The following MS4A4A variants were observed in gnomAD, a reference collection of about 807,000 sequenced individuals.
MS4A4A encodes membrane spanning 4-domains A4A.
Under a neutral mutation model 28.0 loss-of-function variants are expected in MS4A4A, and 26 were observed. The ratio of observed to expected loss-of-function variants is 0.93; its 90% CI spans 0.68 to 1.29. The LOEUF (loss-of-function observed/expected upper bound fraction) is 1.29, where lower values mean the gene tolerates loss of function less well. MS4A4A is among the 50% of genes most tolerant of loss of function. The probability of loss-of-function intolerance (pLI) is 0.00; values close to 1 mark genes in which losing one functional copy is unlikely to be tolerated. For missense variants in MS4A4A, 290 were observed against 293.1 expected (o/e 0.99, Z 0.08); for synonymous variants, 86 against 100.8 (o/e 0.85, Z 0.88).
intron 4 of MS4A4A, among the ~76,000 whole-genome samples, chr11:60,301,578 T>C (rs1371856762): frequency 1.3e-5 from 2 of 152,302 alleles, no homozygotes; most frequent in East Asian, 3.9e-4. Flanking sequence ...TGAATAAATG[T>C]TTTTTTCTAG....
chr11:60,300,901 C>A, intron 3 of MS4A4A, 100 bp from the exon 4 acceptor site: 1 of 810,270 alleles, frequency 1.2e-6, no homozygotes, highest in Non-Finnish European at 1.9e-6. Flanking sequence ...GATAATTGGT[C>A]TGATTAACAT....
In MS4A4A at chr11:60,292,201, A is replaced by G. The variant is rs1209096907; in HGVS notation, c.42-24A>G. The G allele has an allele frequency of 2.6e-6, 4 of 1,518,248 alleles. 1 individual carries two copies. Among genetic ancestry groups the G allele is most frequent in the Admixed American group, 4.5e-5 (2 of 44,448 alleles). The allele number at this position is 1,518,248 out of a possible 1,614,324, so 94.0% of individuals were successfully genotyped here. Reference sequence around the variant, plus strand: ...TCTTTTGCCATTTCCAGGACATCATACTAAATTACATTTCTTATTGTAGCA... The same window carrying G: ...TCTTTTGCCATTTCCAGGACATCATGCTAAATTACATTTCTTATTGTAGCA... On this transcript the variant is annotated intron_variant, in intron 1 of 6. Transcript: ENST00000337908.
In MS4A4A at chr11:60,292,218, A is replaced by T. The variant is rs746557825; in HGVS notation, c.42-7A>T. 3.1e-5 allele frequency: 48 copies of T among 1,532,248 alleles called. 1 individual carries two copies. Among genetic ancestry groups the T allele is most frequent in the Non-Finnish European group, 3.5e-5 (40 of 1,144,534 alleles). 94.9% of individuals were successfully genotyped at this position (1,532,248 alleles called of 1,614,324 possible). A position where few individuals can be genotyped will look rare whatever the true frequency, so the allele number is the denominator to read the frequency against. On this transcript the variant is annotated splice_polypyrimidine_tract_variant and splice_region_variant and intron_variant, in intron 1 of 6. Coordinates refer to ENST00000337908, the MANE Select transcript of MS4A4A (RefSeq NM_148975.3). ...GACATCATACTAAATTACATTTCTT[A>T]TTGTAGCACCTTTTCTGCTGCCATG...
chr11:60,304,699 G>A (rs1250829602), intron 5 of MS4A4A, among the ~76,000 whole-genome samples: 1 of 152,194 alleles, frequency 6.6e-6, no homozygotes, highest in African/African-American at 2.4e-5. Flanking sequence ...TTTACATATT[G>A]TGGAGTGCTG....
At chr11:60,305,229 T>C (rs1436318734) in intron 5 of MS4A4A, among the ~76,000 whole-genome samples, 3 of 152,262 alleles carry the variant, frequency 2.0e-5, no homozygotes, top group African/African-American at 4.8e-5. Flanking sequence ...ACTGACCTAC[T>C]TGATGTTCAT....
chr11:60,285,598 A>T (rs1237079838), intron 1 of MS4A4A, among the ~76,000 whole-genome samples: 1 of 152,146 alleles, frequency 6.6e-6, no homozygotes, highest in Admixed American at 6.5e-5. Context: ...AAAGAGAGAA[A>T]TTTTACAGCT....
At chr11:60,282,104 G>A (rs536617278) in intron 1 of MS4A4A, among the ~76,000 whole-genome samples, 120 of 152,302 alleles carry the variant, frequency 7.9e-4, no homozygotes, top group Non-Finnish European at 1.6e-3. Flanking sequence ...AGCCTTGAAT[G>A]ACCAGAACCT....
chr11:60,285,617 G>T (rs757533567), intron 1 of MS4A4A, among the ~76,000 whole-genome samples: 3 of 152,078 alleles, frequency 2.0e-5, no homozygotes, highest in Non-Finnish European at 2.9e-5. Flanking sequence ...CTAGGCCTCC[G>T]GGGGTGACAT....
At chr11:60,287,134 A>G (rs548317576) in intron 1 of MS4A4A, among the ~76,000 whole-genome samples, 3 of 152,256 alleles carry the variant, frequency 2.0e-5, no homozygotes, top group South Asian at 2.1e-4. Context: ...TGTTGAAACA[A>G]GAACTCTAGA....
intron 1 of MS4A4A, among the ~76,000 whole-genome samples, chr11:60,291,695 GACTGAGGC>G (rs1208212750): frequency 6.6e-6 from 1 of 151,194 alleles, no homozygotes; most frequent in Admixed American, 6.6e-5. Context: ...CTACTCGGGA[GACTGAGGC>G]AGGAGAATCG....
intron 6 of MS4A4A, among the ~76,000 whole-genome samples, chr11:60,307,493 T>C (rs1472670844): frequency 6.6e-6 from 1 of 152,218 alleles, no homozygotes; most frequent in Non-Finnish European, 1.5e-5. Flanking sequence ...AAGTTTCATG[T>C]CATAATATTT....
chr11:60,289,574 AGT>A (rs747454290), intron 1 of MS4A4A, among the ~76,000 whole-genome samples: 31,754 of 130,708 alleles, frequency 0.24, 3,400 homozygotes, highest in Middle Eastern at 0.33. Context: ...TGTTTTGGGG[AGT>A]GTGTGTGTGT....
chr11:60,287,527 T>C (rs2084813540), intron 1 of MS4A4A, among the ~76,000 whole-genome samples: 1 of 152,216 alleles, frequency 6.6e-6, no homozygotes, highest in East Asian at 1.9e-4. Context: ...AAATGAGTTT[T>C]AGAGGGGACA....
In MS4A4A at chr11:60,286,682, A is replaced by G. The variant is rs186611559; in HGVS notation, c.42-5543A>G. ...GTTTTTGACTTGAAGTTTATTTTAC[A>G]TGATCTAAGTACAGGTAATTATTCT... is the stretch of plus-strand genomic sequence containing the variant. On this transcript the variant is annotated intron_variant, in intron 1 of 6. Coordinates refer to ENST00000337908, the MANE Select transcript of MS4A4A (RefSeq NM_148975.3). Among the ~76,000 whole-genome samples, 40 of 152,302 alleles carry G rather than the reference A, an allele frequency of 2.6e-4. 2 individuals are homozygous for G. The highest frequency in any genetic ancestry group is 2.2e-3 in the Admixed American group (33 of 15,290).
intron 1 of MS4A4A, among the ~76,000 whole-genome samples, chr11:60,286,164 A>G (rs2084802125): frequency 6.6e-6 from 1 of 152,120 alleles, no homozygotes; most frequent in African/African-American, 2.4e-5. Context: ...AGGCAGTCAG[A>G]CCTTATGGTT....
chr11:60,282,522 T>C (rs954475345), intron 1 of MS4A4A: 1 of 1,205,444 alleles, frequency 8.3e-7, no homozygotes, highest in Non-Finnish European at 1.1e-6. Context: ...TGAGAGAAGA[T>C]AGAGACTATA....
rs574594657 is a variant in MS4A4A, at chr11:60,281,365, C to T, written c.41+649C>T. The stretch of plus-strand genomic sequence containing the variant: ...AAAGAAGCTTGTAAGTGGTCGTGGC[C>T]ATTGTAATCTTTCCCCAGATGAAGT... On this transcript the variant is annotated intron_variant, in intron 1 of 6. Transcript: ENST00000337908. 3.3e-5 allele frequency among the ~76,000 whole-genome samples: 5 copies of T among 152,264 alleles called. 1 individual carries two copies. In the East Asian group the frequency reaches 5.8e-4, roughly 18 times the overall value.
intron 3 of MS4A4A, among the ~76,000 whole-genome samples, chr11:60,299,699 G>C (rs995123160): frequency 6.6e-6 from 1 of 151,868 alleles, no homozygotes; most frequent in Non-Finnish European, 1.5e-5. Flanking sequence ...CTGGTCTCGT[G>C]ATCCACCCGC....
chr11:60,306,032 G>A (rs1022025441), intron 5 of MS4A4A, 68 bp from the exon 6 acceptor site: 5 of 1,336,980 alleles, frequency 3.7e-6, no homozygotes, highest in Non-Finnish European at 4.2e-6. Context: ...TGACATTGTG[G>A]TTACTGGGAA....
Sources: gnomAD v4.1 joint callset for allele counts (sites outside exome capture counted in the v4.1 genomes callset) on GRCh38, gnomAD v4.1.1 for gene constraint, MANE v1.5 for transcripts, NCBI Gene and HGNC (gene_info 2026-07-23, HGNC 2026-07-21) for gene names.